NEXN: variants seen among roughly 807,000 people sequenced by gnomAD.
NEXN encodes nexilin F-actin binding protein, also known as nexilin.
Under a neutral mutation model 92.6 loss-of-function variants are expected in NEXN, and 65 were observed. The ratio of observed to expected loss-of-function variants is 0.70; its 90% CI spans 0.57 to 0.86. The LOEUF (loss-of-function observed/expected upper bound fraction) is 0.86. NEXN is among the 40% of genes least tolerant of loss of function. The probability of loss-of-function intolerance (pLI) is 0.00; values close to 1 mark genes in which losing one functional copy is unlikely to be tolerated. For missense variants in NEXN, 778 were observed against 771.1 expected (o/e 1.01, Z -0.11); for synonymous variants, 254 against 242.5 (o/e 1.05, Z -0.44).
Position 77,926,847 on chromosome 1 carries a change from T to G in NEXN, c.819T>G (p.Arg273=). 6.2e-7 allele frequency: 1 copy of G among 1,613,730 alleles called. No individual in the cohort carries two copies. The highest frequency in any genetic ancestry group is 8.5e-7 in the Non-Finnish European group (1 of 1,179,914). Reference sequence around the variant, plus strand: ...AAGCTGAAGAGGAAGCAAGAAAACGTTTAGAAGAAGAGAAGCGTGCTTTTG... The same window carrying G: ...AAGCTGAAGAGGAAGCAAGAAAACGGTTAGAAGAAGAGAAGCGTGCTTTTG... ...KKQAEEEARK[R]LEEEKRAFEE... The change falls in exon 8 of 13, where the codon CGT becomes CGG. Residue 273 remains arginine (R), a synonymous_variant. Transcript: ENST00000334785.
intron 5 of NEXN, among the ~76,000 whole-genome samples, 189 bp downstream of exon 5, chr1:77,918,462 C>T (rs780647507): frequency 2.0e-5 from 3 of 151,834 alleles, no homozygotes; most frequent in African/African-American, 4.8e-5. Context: ...TGGATCGCTT[C>T]GACATCAGCC....
intron 5 of NEXN, among the ~76,000 whole-genome samples, chr1:77,922,130 AAAGAG>A (rs1649470255): frequency 7.2e-6 from 1 of 138,588 alleles, no homozygotes; most frequent in African/African-American, 2.7e-5. Flanking sequence ...ATTCTTTTAA[AAAGAG>A]AAGTCTTTTT....
At chr1:77,923,160 A>ATTTT (rs763944057) in intron 5 of NEXN, among the ~76,000 whole-genome samples, 4 of 124,380 alleles carry the variant, frequency 3.2e-5, no homozygotes, top group African/African-American at 6.2e-5. Context: ...CACCCAGCTA[A>ATTTT]TTTTTTTTTT....
chr1:77,932,306 T>C (rs1650374887), intron 9 of NEXN, among the ~76,000 whole-genome samples: 1 of 152,206 alleles, frequency 6.6e-6, no homozygotes, highest in Non-Finnish European at 1.5e-5. Context: ...ACAATTACTT[T>C]TCAGTGCCTC....
chr1:77,896,538 C>T (rs1215444325), intron 1 of NEXN, among the ~76,000 whole-genome samples: 4 of 152,022 alleles, frequency 2.6e-5, no homozygotes, highest in East Asian at 1.9e-4. Context: ...GAGCCCGAGG[C>T]GGGTGGAGCT....
chr1:77,918,431 A>G (rs1248011013), intron 5 of NEXN, among the ~76,000 whole-genome samples, 158 bp downstream of exon 5: 1 of 152,144 alleles, frequency 6.6e-6, no homozygotes, highest in African/African-American at 2.4e-5. Context: ...TAATCTCAGC[A>G]CTTTGGGAGG....
chr1:77,917,779 C>G (rs746672800), intron 3 of NEXN, 22 bp downstream of exon 3: 1 of 1,578,616 alleles, frequency 6.3e-7, no homozygotes. Flanking sequence ...TTACTTTATT[C>G]TCGTGAAAAT....
At chr1:77,906,706 G>A (rs1396898434) in intron 1 of NEXN, among the ~76,000 whole-genome samples, 1 of 152,120 alleles carries the variant, frequency 6.6e-6, no homozygotes, top group Non-Finnish European at 1.5e-5. Context: ...CCAGGGTGTA[G>A]TGCAGTGGTT....
At position 77,899,429 on chromosome 1, in the gene NEXN, G is replaced by A. The variant is rs934554231; in HGVS notation, c.-53+10670G>A. 3.3e-5 allele frequency among the ~76,000 whole-genome samples: 5 copies of A among 151,976 alleles called. 1 individual carries two copies. Among genetic ancestry groups the A allele is most frequent in the African/African-American group, 1.2e-4 (5 of 41,372 alleles). ...AAGGACAAAAAACCAAACACCGCAT[G>A]TTCTCACTCATAGGTGGGAATTGAA... On this transcript the variant is annotated intron_variant, in intron 1 of 12. Coordinates refer to ENST00000334785, the MANE Select transcript of NEXN (RefSeq NM_144573.4).
intron 1 of NEXN, among the ~76,000 whole-genome samples, chr1:77,907,555 A>C (rs926796288): frequency 3.2e-4 from 48 of 152,242 alleles, no homozygotes; most frequent in African/African-American, 1.2e-3. Flanking sequence ...TTAACCAAAA[A>C]AGTTAAGGCT....
intron 1 of NEXN, among the ~76,000 whole-genome samples, chr1:77,894,277 G>A (rs1290842230): frequency 6.6e-6 from 1 of 152,130 alleles, no homozygotes; most frequent in East Asian, 1.9e-4. Context: ...GGTTTTCGGT[G>A]AGGAATTGTG....
chr1:77,918,360 T>G, intron 5 of NEXN, 87 bp downstream of exon 5: 1 of 1,401,686 alleles, frequency 7.1e-7, no homozygotes, highest in Non-Finnish European at 1.0e-6. Context: ...TTAAAATATT[T>G]TAATGTAACA....
In NEXN at chr1:77,943,040, AAC is replaced by A. The variant is rs555129188; in HGVS notation, c.*213_*214del. On this transcript the variant is annotated 3_prime_UTR_variant, in exon 13 of 13. Transcript: ENST00000334785. ...ATGCTGACTTCTTATTCCTTTTCAT[AAC>A]AGTCTTCAAAGCACAGCTCATCTAA... 1.7e-5 allele frequency: 10 copies of A among 599,344 alleles called. No individual in the cohort carries two copies. The highest frequency in any genetic ancestry group is 9.4e-4 in the Middle Eastern group (2 of 2,126). The allele number at this position is 599,344 out of a possible 1,614,324, so 37.1% of individuals were successfully genotyped here.
chr1:77,939,931 G>A (rs562593976), intron 11 of NEXN, among the ~76,000 whole-genome samples: 5 of 152,176 alleles, frequency 3.3e-5, no homozygotes, highest in South Asian at 2.1e-4. Context: ...AAAATTAGCC[G>A]GGCGTGGTGG....
At chr1:77,923,159 A>G (rs1217784433) in intron 5 of NEXN, among the ~76,000 whole-genome samples, 1 of 142,830 alleles carries the variant, frequency 7.0e-6, no homozygotes, top group Admixed American at 7.0e-5. Flanking sequence ...ACACCCAGCT[A>G]ATTTTTTTTT....
At chr1:77,923,678 T>TC (rs1649619117) in intron 5 of NEXN, among the ~76,000 whole-genome samples, 1 of 114,400 alleles carries the variant, frequency 8.7e-6, no homozygotes, top group African/African-American at 3.2e-5. Context: ...AATTGAGCTC[T>TC]CTTTTTTTTT....
intron 1 of NEXN, among the ~76,000 whole-genome samples, chr1:77,911,760 T>TATAC (rs1553235698): frequency 3.1e-5 from 4 of 127,196 alleles, no homozygotes; most frequent in Non-Finnish European, 6.7e-5. Flanking sequence ...TATATATATA[T>TATAC]ACACATATAT....
rs774120003 is a variant in NEXN, at chr1:77,925,169, T to C, written c.448-19T>C. Reference sequence around the variant, plus strand: ...AGAAATCTGATGTAATGTAATGATATGAAATTCTCATTCAATAGATTGAGG... The same window carrying C: ...AGAAATCTGATGTAATGTAATGATACGAAATTCTCATTCAATAGATTGAGG... On this transcript the variant is annotated intron_variant, in intron 5 of 12. Transcript: ENST00000334785. 1 of 1,547,616 alleles carries C rather than the reference T, an allele frequency of 6.5e-7. No individual in the cohort carries two copies. The highest frequency in any genetic ancestry group is 1.1e-5 in the South Asian group (1 of 87,302).
chr1:77,913,040 T>G (rs1257232690), intron 1 of NEXN, among the ~76,000 whole-genome samples: 3 of 152,168 alleles, frequency 2.0e-5, no homozygotes, highest in Non-Finnish European at 2.9e-5. Context: ...GCAAGTGACA[T>G]ATCAGATAAA....
Sources: gnomAD v4.1 joint callset for allele counts (sites outside exome capture counted in the v4.1 genomes callset) on GRCh38, gnomAD v4.1.1 for gene constraint, MANE v1.5 for transcripts, NCBI Gene and HGNC (gene_info 2026-07-23, HGNC 2026-07-21) for gene names.